Variants in NMNAT2 observed in about 807,000 individuals in gnomAD.
NMNAT2 encodes nicotinamide nucleotide adenylyltransferase 2.
NMNAT2 carries 11 observed loss-of-function variants against 41.6 expected under a neutral mutation model. That is an observed-to-expected ratio of 0.26 (90% confidence interval 0.17 to 0.44). The LOEUF (loss-of-function observed/expected upper bound fraction) is 0.44. Among genes scored for constraint, NMNAT2 ranks in the 20% least tolerant of loss-of-function variants. The pLI is 1.00. For missense variants in NMNAT2, 288 were observed against 407.7 expected (o/e 0.71, Z 2.53); for synonymous variants, 148 against 151.2 (o/e 0.98, Z 0.16).
At chr1:183,391,309 T>C (rs560010418) in intron 1 of NMNAT2, among the ~76,000 whole-genome samples, 2 of 152,324 alleles carry the variant, frequency 1.3e-5, no homozygotes, top group South Asian at 4.1e-4. Context: ...CCTACCTGTC[T>C]GTAACTCTGT....
At chr1:183,389,122 G>A (rs891674532) in intron 1 of NMNAT2, among the ~76,000 whole-genome samples, 1 of 152,140 alleles carries the variant, frequency 6.6e-6, no homozygotes, top group African/African-American at 2.4e-5. Context: ...TCCCCAGCCA[G>A]CTCCTCGCCT....
At chr1:183,357,303 C>T (rs1184424057) in intron 1 of NMNAT2, among the ~76,000 whole-genome samples, 1 of 143,338 alleles carries the variant, frequency 7.0e-6, no homozygotes, top group Non-Finnish European at 1.5e-5. Context: ...GATCTTGGCT[C>T]ACTGCAAGCT....
chr1:183,284,234 C>A (rs1196240328), intron 6 of NMNAT2, among the ~76,000 whole-genome samples, 195 bp from the exon 7 acceptor site: 1 of 152,210 alleles, frequency 6.6e-6, no homozygotes, highest in African/African-American at 2.4e-5. Context: ...TCCTCCCGCT[C>A]CAGGAGCAGC....
At chr1:183,410,879 A>G (rs765439346) in intron 1 of NMNAT2, among the ~76,000 whole-genome samples, 4 of 151,564 alleles carry the variant, frequency 2.6e-5, no homozygotes, top group Non-Finnish European at 5.9e-5. Context: ...CAACACACCC[A>G]GCTAATTTTT....
intron 8 of NMNAT2, among the ~76,000 whole-genome samples, chr1:183,274,456 T>G (rs1028032563): frequency 4.0e-5 from 6 of 151,626 alleles, no homozygotes; most frequent in Non-Finnish European, 7.4e-5. Context: ...GGATTACAGG[T>G]GCCCGCCACC....
At chr1:183,352,971 G>A (rs1449265745) in intron 1 of NMNAT2, among the ~76,000 whole-genome samples, 1 of 152,102 alleles carries the variant, frequency 6.6e-6, no homozygotes, top group East Asian at 1.9e-4. Context: ...ATGAAGAGGG[G>A]GTCAGAAAGG....
chr1:183,339,068 C>G (rs926073836), intron 1 of NMNAT2, among the ~76,000 whole-genome samples: 2 of 151,998 alleles, frequency 1.3e-5, no homozygotes, highest in Non-Finnish European at 2.9e-5. Context: ...GTAGGCACAA[C>G]AGCTCCAGTT....
rs60703396 is a variant in NMNAT2, at chr1:183,411,458, C to T, written c.85+6725G>A. 6.4e-3 allele frequency among the ~76,000 whole-genome samples: 976 copies of T among 152,280 alleles called. 10 individuals are homozygous for T. The highest frequency in any genetic ancestry group is 0.022 in the African/African-American group (929 of 41,560). On this transcript the variant is annotated intron_variant, in intron 1 of 10. Transcript: ENST00000287713. ...AGCTAGGATTACAGGCATGCACCAC[C>T]AGGCCTGGCAAATTTTTTGGAATTT... is the stretch of plus-strand genomic sequence containing the variant.
At chr1:183,398,071 A>C (rs1176831870) in intron 1 of NMNAT2, among the ~76,000 whole-genome samples, 1 of 152,204 alleles carries the variant, frequency 6.6e-6, no homozygotes, top group Non-Finnish European at 1.5e-5. Context: ...CATTAACCTT[A>C]AATGTAAATG....
At chr1:183,254,720 A>T (rs1225832698) in intron 10 of NMNAT2, among the ~76,000 whole-genome samples, 1 of 152,210 alleles carries the variant, frequency 6.6e-6, no homozygotes, top group African/African-American at 2.4e-5. Context: ...TATAGGTATG[A>T]GCCATCACAC....
chr1:183,330,906 T>C (rs369290002), intron 1 of NMNAT2, among the ~76,000 whole-genome samples: 15 of 152,330 alleles, frequency 9.8e-5, no homozygotes, highest in South Asian at 8.3e-4. Context: ...CCAGTCCCTG[T>C]GTAAATGATC....
chr1:183,413,726 C>T (rs1409316518), intron 1 of NMNAT2, among the ~76,000 whole-genome samples: 1 of 151,322 alleles, frequency 6.6e-6, no homozygotes, highest in East Asian at 1.9e-4. Flanking sequence ...CCTGCCTCAG[C>T]CTCCTGAGTA....
intron 8 of NMNAT2, among the ~76,000 whole-genome samples, chr1:183,268,151 G>A (rs1318628925): frequency 6.6e-6 from 1 of 152,124 alleles, no homozygotes; most frequent in East Asian, 1.9e-4. Context: ...GAGACATGTT[G>A]AGGCAGGAAG....
At position 183,355,057 on chromosome 1, in the gene NMNAT2, C is replaced by T. The variant is rs898993729; in HGVS notation, c.86-61264G>A. ...ACAGGCCCTGAATGGTCCATGCAAC[C>T]CCTGGCCCACCCACTGCACTGTAGC... On this transcript the variant is annotated intron_variant, in intron 1 of 10. Transcript: ENST00000287713. Among the ~76,000 whole-genome samples the T allele has an allele frequency of 2.6e-5, 4 of 152,168 alleles. No homozygotes were observed. In the East Asian group the frequency reaches 7.7e-4, roughly 29 times the overall value.
intron 1 of NMNAT2, among the ~76,000 whole-genome samples, chr1:183,369,567 G>A (rs1480250328): frequency 6.6e-6 from 1 of 151,984 alleles, no homozygotes; most frequent in Non-Finnish European, 1.5e-5. Flanking sequence ...ATGAGCTACC[G>A]CACCCAGCCT....
intron 1 of NMNAT2, among the ~76,000 whole-genome samples, chr1:183,335,326 G>C (rs1334760694): frequency 6.6e-6 from 1 of 152,088 alleles, no homozygotes; most frequent in Admixed American, 6.5e-5. Flanking sequence ...GCACAAATCC[G>C]GCCCTATGTC....
At chr1:183,397,013 C>T (rs890968016) in intron 1 of NMNAT2, among the ~76,000 whole-genome samples, 6 of 152,190 alleles carry the variant, frequency 3.9e-5, no homozygotes, top group African/African-American at 1.4e-4. Flanking sequence ...AAAACTGTGA[C>T]CTCCAGAGTC....
chr1:183,296,255 T>C (rs1661694414), intron 1 of NMNAT2, among the ~76,000 whole-genome samples: 1 of 152,178 alleles, frequency 6.6e-6, no homozygotes, highest in Admixed American at 6.5e-5. Context: ...CAGTTTTTAG[T>C]GATTATAAAT....
intron 1 of NMNAT2, among the ~76,000 whole-genome samples, chr1:183,385,511 C>A (rs1648203872): frequency 6.6e-6 from 1 of 152,086 alleles, no homozygotes; most frequent in African/African-American, 2.4e-5. Flanking sequence ...TGTAGACCTG[C>A]TGAACTTGCA....
Sources: gnomAD v4.1 joint callset for allele counts (sites outside exome capture counted in the v4.1 genomes callset) on GRCh38, gnomAD v4.1.1 for gene constraint, MANE v1.5 for transcripts, NCBI Gene and HGNC (gene_info 2026-07-23, HGNC 2026-07-21) for gene names.